The following CHODL variants were observed in gnomAD, a reference collection of about 807,000 sequenced individuals.
CHODL encodes transmembrane protein MT75.
CHODL carries 29 observed loss-of-function variants against 34.5 expected under a neutral mutation model. The observed-to-expected ratio is 0.84, with a 90% CI of 0.63 to 1.15. The LOEUF (loss-of-function observed/expected upper bound fraction) is 1.15. CHODL is among the 50% of genes most tolerant of loss of function. The pLI is 0.00. For synonymous variants in CHODL, 125 were observed against 116.1 expected, an observed-to-expected ratio of 1.08 and a Z score of -0.49; for missense variants, 332 against 332.5, an observed-to-expected ratio of 1.00 and a Z score of 0.01.
chr21:17,920,577 A>C lies in CHODL; in HGVS notation c.-145+3177A>C, dbSNP rs915078846. Among the ~76,000 whole-genome samples, 4 of 152,360 alleles carry C rather than the reference A, an allele frequency of 2.6e-5. No individual in the cohort carries two copies. In the East Asian group the frequency reaches 7.7e-4, roughly 29 times the overall value. On this transcript the variant is annotated intron_variant, in intron 1 of 6. Coordinates refer to the CHODL transcript ENST00000400127. The stretch of plus-strand genomic sequence containing the variant: ...TTCAAGATGGGATTTGGGTGGGGAC[A>C]CAGAACAACCATATCATATACTAAA...
chr21:18,125,563 A>AATTTAATTAATTGTATTAATTAC (rs2065532195), intron 2 of CHODL, among the ~76,000 whole-genome samples: 1 of 151,554 alleles, frequency 6.6e-6, no homozygotes, highest in Non-Finnish European at 1.5e-5. Context: ...ATTATTTTTA[A>AATTTAATTAATTGTATTAATTAC]ATTTAATTAA....
intron 1 of CHODL, among the ~76,000 whole-genome samples, chr21:17,977,929 A>AAAAAAG (rs1555845738): frequency 2.7e-5 from 4 of 150,362 alleles, no homozygotes; most frequent in African/African-American, 7.3e-5. Flanking sequence ...AAAAAAAAAA[A>AAAAAAG]AAAAAGAAAA....
chr21:18,132,405 A>C (rs1326332675), intron 2 of CHODL, among the ~76,000 whole-genome samples: 2 of 152,200 alleles, frequency 1.3e-5, no homozygotes, highest in Non-Finnish European at 2.9e-5. Context: ...AAAATATTCC[A>C]ATTACTTAGG....
At chr21:17,947,674 G>C (rs1249308367) in intron 1 of CHODL, among the ~76,000 whole-genome samples, 1 of 151,968 alleles carries the variant, frequency 6.6e-6, no homozygotes, top group Non-Finnish European at 1.5e-5. Context: ...ACAGATGTTG[G>C]CAAGGATTTG....
intron 2 of CHODL, among the ~76,000 whole-genome samples, chr21:18,188,586 C>T (rs144992592): frequency 6.6e-6 from 1 of 152,298 alleles, no homozygotes; most frequent in African/African-American, 2.4e-5. Flanking sequence ...GGATGTTTCC[C>T]ACCATCAGAA....
In CHODL at chr21:18,116,540, T is replaced by C. The variant is rs1282947840; in HGVS notation, c.-45+88569T>C. ...TTGAAGATTGGGTCCTTTCCTTTTA[T>C]TTTCTTTTTTGTTTGAGCTTGAAAG... is the stretch of plus-strand genomic sequence containing the variant. On this transcript the variant is annotated intron_variant, in intron 2 of 6. Transcript: ENST00000400127. 2.6e-5 allele frequency among the ~76,000 whole-genome samples: 4 copies of C among 152,226 alleles called. No homozygotes were observed. The East Asian group carries it at 5.8e-4, about 22-fold the overall frequency.
chr21:17,970,101 C>T (rs752726848), intron 1 of CHODL, among the ~76,000 whole-genome samples: 3 of 152,104 alleles, frequency 2.0e-5, no homozygotes, highest in Admixed American at 1.3e-4. Context: ...TGCCCTGGAC[C>T]GATATTAGTA....
chr21:18,168,954 G>T (rs1401697903), intron 2 of CHODL, among the ~76,000 whole-genome samples: 2 of 151,946 alleles, frequency 1.3e-5, no homozygotes, highest in Non-Finnish European at 2.9e-5. Context: ...ATGTAAGATT[G>T]GGGTTCAACT....
At chr21:18,234,172 G>A (rs184232109) in intron 2 of CHODL, among the ~76,000 whole-genome samples, 31 of 152,176 alleles carry the variant, frequency 2.0e-4, no homozygotes, top group Admixed American at 7.2e-4. Context: ...TCTCTCGTTC[G>A]AATGCGCTAC....
At chr21:18,059,407 G>A (rs2064627700) in intron 2 of CHODL, among the ~76,000 whole-genome samples, 1 of 152,218 alleles carries the variant, frequency 6.6e-6, no homozygotes, top group East Asian at 1.9e-4. Flanking sequence ...TCATCAAATG[G>A]GGCGAAGAGC....
chr21:17,957,802 G>A (rs1247436677), intron 1 of CHODL, among the ~76,000 whole-genome samples: 1 of 151,396 alleles, frequency 6.6e-6, no homozygotes, highest in Admixed American at 6.6e-5. Flanking sequence ...TAAAACAAGA[G>A]GTATCGGAGT....
chr21:18,245,331 C>A, intron 1 of CHODL, 29 bp downstream of exon 1: 1 of 1,499,440 alleles, frequency 6.7e-7, no homozygotes, highest in Non-Finnish European at 8.9e-7. Context: ...CCCCGAAGAA[C>A]GAGCGGGGAG....
chr21:18,187,566 T>A (rs1469270267), intron 2 of CHODL, among the ~76,000 whole-genome samples: 1 of 152,166 alleles, frequency 6.6e-6, no homozygotes, highest in Non-Finnish European at 1.5e-5. Context: ...TCTTACATGG[T>A]TCCTTCTTTA....
intron 1 of CHODL, among the ~76,000 whole-genome samples, chr21:17,957,341 T>A (rs868214609): frequency 6.6e-6 from 1 of 152,192 alleles, no homozygotes; most frequent in African/African-American, 2.4e-5. Flanking sequence ...ACTTTTTTAC[T>A]TAAAATCTTT....
chr21:18,266,331 AG>A lies in CHODL; in HGVS notation c.*294del. On this transcript the variant is annotated 3_prime_UTR_variant, in exon 6 of 6. Transcript: ENST00000299295. ...ATAAAGTTGTTATCAACACGTCGGGAGTATGTGTGTTAGAAGCAATTCCTTT... is the reference window on the plus strand; with the variant it reads ...ATAAAGTTGTTATCAACACGTCGGGATATGTGTGTTAGAAGCAATTCCTTT... 2.7e-6 allele frequency: 2 copies of A among 751,914 alleles called. No individual in the cohort carries two copies. The highest frequency in any genetic ancestry group is 4.1e-6 in the Non-Finnish European group (2 of 490,354). 46.6% of individuals were successfully genotyped at this position (751,914 alleles called of 1,614,324 possible).
chr21:18,174,161 A>ATCTTGGTATATAT (rs2073276201), intron 2 of CHODL, among the ~76,000 whole-genome samples: 1 of 85,666 alleles, frequency 1.2e-5, no homozygotes, highest in Non-Finnish European at 3.1e-5. Context: ...ATATATATAT[A>ATCTTGGTATATAT]AAATCAAGTC....
intron 1 of CHODL, among the ~76,000 whole-genome samples, chr21:17,971,979 C>T (rs1404125079): frequency 6.6e-6 from 1 of 152,196 alleles, no homozygotes; most frequent in Admixed American, 6.5e-5. Flanking sequence ...AAGTCGGCTT[C>T]ATCCCTGGGA....
At chr21:18,028,329 T>C (rs1243311735) in intron 2 of CHODL, among the ~76,000 whole-genome samples, 1 of 146,142 alleles carries the variant, frequency 6.8e-6, no homozygotes, top group Non-Finnish European at 1.5e-5. Context: ...CTTCCTTCCT[T>C]CCTCTCTGTT....
rs527279355 is a variant in CHODL at position 17,939,279 on chromosome 21, T to G, written c.-145+21879T>G. Among the ~76,000 whole-genome samples the G allele has an allele frequency of 2.4e-3, 368 of 152,346 alleles. 1 individual carries two copies. The highest frequency in any genetic ancestry group is 8.2e-3 in the African/African-American group (340 of 41,582). ...CAGTAACTGCCATTCCACTCTCTGA[T>G]GATATGGATTTGACTATTTTAGACA... On this transcript the variant is annotated intron_variant, in intron 1 of 6. Transcript: ENST00000400127.
Sources: gnomAD v4.1 joint callset for allele counts (sites outside exome capture counted in the v4.1 genomes callset) on GRCh38, gnomAD v4.1.1 for gene constraint, MANE v1.5 for transcripts, NCBI Gene and HGNC (gene_info 2026-07-23, HGNC 2026-07-21) for gene names.